Variants in BCKDHB observed in about 807,000 individuals in gnomAD.
BCKDHB encodes branched chain keto acid dehydrogenase E1 subunit beta.
Under a neutral mutation model 48.5 loss-of-function variants are expected in BCKDHB, and 41 were observed. The observed-to-expected ratio is 0.85, with a 90% confidence interval of 0.66 to 1.10. The LOEUF (loss-of-function observed/expected upper bound fraction) is 1.10. Ranked by LOEUF, BCKDHB falls within the 50% of genes least tolerant of loss-of-function variation. The pLI, the probability that BCKDHB is intolerant of heterozygous loss-of-function variation, is 0.00. For synonymous variants in BCKDHB, 201 were observed against 174.8 expected (o/e 1.15, Z -1.18); for missense variants, 496 against 494.2 (o/e 1.00, Z -0.03).
intron 8 of BCKDHB, among the ~76,000 whole-genome samples, chr6:80,212,734 C>A (rs926927626): frequency 6.6e-6 from 1 of 152,166 alleles, no homozygotes; most frequent in African/African-American, 2.4e-5. Flanking sequence ...AATTTATGTT[C>A]CTGTGCCACA....
the BCKDHB span, among the ~76,000 whole-genome samples, chr6:80,369,635 C>T: frequency 1.3e-5 from 2 of 152,212 alleles, no homozygotes; most frequent in Non-Finnish European, 2.9e-5. Flanking sequence ...CATCTAGTCA[C>T]TAACTGCCTG....
chr6:80,406,153 A>G, the BCKDHB span, among the ~76,000 whole-genome samples: 1 of 152,170 alleles, frequency 6.6e-6, no homozygotes, highest in Middle Eastern at 3.2e-3. Flanking sequence ...AAGGAAATGA[A>G]TTCATGCTTT....
At chr6:80,409,601 T>G in the BCKDHB span, among the ~76,000 whole-genome samples, 4 of 61,156 alleles carry the variant, frequency 6.5e-5, no homozygotes, top group East Asian at 2.0e-3. Flanking sequence ...TATATATATA[T>G]ATATATATAT....
the BCKDHB span, among the ~76,000 whole-genome samples, chr6:80,439,046 A>C: frequency 0.022 from 3,363 of 152,302 alleles, 134 homozygotes; most frequent in African/African-American, 0.075. Context: ...CTGGGATACA[A>C]ATGAAGCTGG....
At chr6:80,326,398 G>C (rs1312107503) in intron 9 of BCKDHB, among the ~76,000 whole-genome samples, 1 of 152,134 alleles carries the variant, frequency 6.6e-6, no homozygotes, top group African/African-American at 2.4e-5. Flanking sequence ...ATGAAATTCT[G>C]TTTTATGTCT....
At chr6:80,182,738 A>G (rs2490246) in intron 6 of BCKDHB, among the ~76,000 whole-genome samples, 5,566 of 152,232 alleles carry the variant, frequency 0.037, 320 homozygotes, top group African/African-American at 0.13. Flanking sequence ...TTGTATTATA[A>G]ACATTGTTTT....
the BCKDHB span, among the ~76,000 whole-genome samples, chr6:80,413,106 T>C: frequency 6.6e-6 from 1 of 152,170 alleles, no homozygotes; most frequent in Non-Finnish European, 1.5e-5. Flanking sequence ...TAACCCATCT[T>C]CCTTCTCTGC....
intron 8 of BCKDHB, among the ~76,000 whole-genome samples, chr6:80,214,412 C>T (rs931226001): frequency 6.6e-6 from 1 of 152,064 alleles, no homozygotes; most frequent in African/African-American, 2.4e-5. Flanking sequence ...TTAAGTATTG[C>T]CAGTTAAAAT....
At chr6:80,405,469 G>A in the BCKDHB span, among the ~76,000 whole-genome samples, 54 of 152,156 alleles carry the variant, frequency 3.5e-4, no homozygotes, top group African/African-American at 1.2e-3. Flanking sequence ...GTTGGATCTT[G>A]TTTTTATTCA....
At chr6:80,425,799 T>G in the BCKDHB span, among the ~76,000 whole-genome samples, 1 of 152,196 alleles carries the variant, frequency 6.6e-6, no homozygotes, top group Non-Finnish European at 1.5e-5. Flanking sequence ...AATGAAAACT[T>G]TCTCTCAGTT....
intron 8 of BCKDHB, among the ~76,000 whole-genome samples, chr6:80,266,619 C>T (rs768825652): frequency 1.3e-5 from 2 of 151,928 alleles, no homozygotes; most frequent in Admixed American, 1.3e-4. Flanking sequence ...TATTGTACTG[C>T]GAACTCGTTA....
At chr6:80,416,651 T>G in the BCKDHB span, among the ~76,000 whole-genome samples, 1 of 152,116 alleles carries the variant, frequency 6.6e-6, no homozygotes, top group African/African-American at 2.4e-5. Flanking sequence ...AAATTGTTTC[T>G]TATGATTTCC....
rs776940885 is a variant in BCKDHB, at chr6:80,322,238, C to CTTTT, written c.1039-21412_1039-21409dup. On this transcript the variant is annotated intron_variant, in intron 9 of 9. Coordinates refer to ENST00000320393, the MANE Select transcript of BCKDHB (RefSeq NM_183050.4). ...CATAGGCGTTTTCTTTCTTTCTTTT[C>CTTTT]TTTTTTTTTTTTTTTTTGGTGACGG... 6.2e-4 allele frequency among the ~76,000 whole-genome samples: 72 copies of CTTTT among 116,612 alleles called. 1 individual carries two copies. The highest frequency in any genetic ancestry group is 7.9e-4 in the Non-Finnish European group (47 of 59,462). The allele number at this position is 116,612 out of a possible 152,430, so 76.5% of individuals were successfully genotyped here. A position where few individuals can be genotyped will look rare whatever the true frequency, so the allele number is the denominator to read the frequency against.
the BCKDHB span, among the ~76,000 whole-genome samples, chr6:80,438,209 AATG>A: frequency 6.6e-6 from 1 of 152,210 alleles, no homozygotes; most frequent in African/African-American, 2.4e-5. Context: ...GTTGTACTTA[AATG>A]ATGTCATAAT....
intron 6 of BCKDHB, among the ~76,000 whole-genome samples, chr6:80,191,115 C>G (rs1223975660): frequency 1.3e-5 from 2 of 152,148 alleles, no homozygotes; most frequent in Non-Finnish European, 2.9e-5. Flanking sequence ...TCTAGCCCTT[C>G]CAAAGTCTTT....
At chr6:80,319,639 G>GT (rs1768613242) in intron 9 of BCKDHB, among the ~76,000 whole-genome samples, 1 of 152,172 alleles carries the variant, frequency 6.6e-6, no homozygotes, top group Non-Finnish European at 1.5e-5. Context: ...AACTTCCAGA[G>GT]TAAGAATATG....
At chr6:80,222,119 A>G (rs1775486295) in intron 8 of BCKDHB, among the ~76,000 whole-genome samples, 1 of 152,080 alleles carries the variant, frequency 6.6e-6, no homozygotes, top group African/African-American at 2.4e-5. Flanking sequence ...CCCCACTCTC[A>G]GGCTCCCTCC....
At chr6:80,297,286 G>A (rs1474848833) in intron 9 of BCKDHB, among the ~76,000 whole-genome samples, 2 of 152,154 alleles carry the variant, frequency 1.3e-5, no homozygotes, top group Non-Finnish European at 2.9e-5. Context: ...AAATTTTGAA[G>A]ATATCTTTAT....
At chr6:80,445,183 C>A in the BCKDHB span, among the ~76,000 whole-genome samples, 1 of 152,140 alleles carries the variant, frequency 6.6e-6, no homozygotes, top group Non-Finnish European at 1.5e-5. Flanking sequence ...AGTGTTCACC[C>A]CTTTGCCTGG....
Sources: gnomAD v4.1 joint callset for allele counts (sites outside exome capture counted in the v4.1 genomes callset) on GRCh38, gnomAD v4.1.1 for gene constraint, MANE v1.5 for transcripts, NCBI Gene and HGNC (gene_info 2026-07-23, HGNC 2026-07-21) for gene names.